The following GRID2 variants were observed in gnomAD, a reference collection of about 807,000 sequenced individuals.
The protein encoded by GRID2 is glutamate ionotropic receptor delta type subunit 2, also known as glutamate receptor ionotropic, delta-2.
In GRID2, 33 loss-of-function variants were observed where a neutral mutation model predicts 114.8. That is an observed-to-expected ratio of 0.29 (90% CI 0.22 to 0.38). The LOEUF is 0.38. Ranked by LOEUF, GRID2 falls within the 10% of genes least tolerant of loss-of-function variation. The pLI, the probability that GRID2 is intolerant of heterozygous loss-of-function variation, is 1.00. For synonymous variants in GRID2, 505 were observed against 449.9 expected, an observed-to-expected ratio of 1.12 and a Z score of -1.55; for missense variants, 1,184 against 1,257.7, an observed-to-expected ratio of 0.94 and a Z score of 0.89.
At chr4:93,183,474 A>G (rs1740100440) in intron 4 of GRID2, among the ~76,000 whole-genome samples, 1 of 152,226 alleles carries the variant, frequency 6.6e-6, no homozygotes, top group South Asian at 2.1e-4. Context: ...ACATCTAAAG[A>G]GTCCCTGTAG....
intron 8 of GRID2, among the ~76,000 whole-genome samples, chr4:93,384,878 A>G (rs1193833751): frequency 6.6e-6 from 1 of 152,196 alleles, no homozygotes; most frequent in Non-Finnish European, 1.5e-5. Context: ...TATGGGAAGC[A>G]TATTTAGGAG....
intron 2 of GRID2, among the ~76,000 whole-genome samples, chr4:92,681,856 T>C (rs1345677569): frequency 6.6e-6 from 1 of 151,834 alleles, no homozygotes; most frequent in East Asian, 1.9e-4. Flanking sequence ...GGTAAAGAAA[T>C]GGAAGCCATA....
intron 1 of GRID2, among the ~76,000 whole-genome samples, chr4:92,316,401 G>A (rs1200979007): frequency 1.3e-5 from 2 of 152,128 alleles, no homozygotes; most frequent in African/African-American, 4.8e-5. Context: ...TGTAGTCATG[G>A]TGAGTTTTGG....
At chr4:92,456,150 C>T (rs2149083262) in intron 1 of GRID2, among the ~76,000 whole-genome samples, 1 of 141,566 alleles carries the variant, frequency 7.1e-6, no homozygotes, top group East Asian at 2.0e-4. Context: ...ACTTTTTTGG[C>T]AGCTTTCCCA....
rs540783394 is a variant in GRID2, at chr4:93,701,514, C to T, written c.2361-67696C>T. Among the ~76,000 whole-genome samples the T allele has an allele frequency of 2.6e-5, 4 of 152,098 alleles. No homozygotes were observed. The East Asian group carries it at 7.7e-4, about 29-fold the overall frequency. The stretch of plus-strand genomic sequence containing the variant: ...AATGGGAGCAAATGCTTAGAAAACA[C>T]TTTTATACTTGATAACTCAGTTTGG... On this transcript the variant is annotated intron_variant, in intron 14 of 15. Coordinates refer to ENST00000282020, the MANE Select transcript of GRID2 (RefSeq NM_001510.4).
At chr4:93,460,580 C>T (rs1484762647) in intron 11 of GRID2, among the ~76,000 whole-genome samples, 2 of 152,178 alleles carry the variant, frequency 1.3e-5, no homozygotes, top group East Asian at 3.9e-4. Context: ...AGTGTAATTC[C>T]TTTTTTTAAA....
rs112947202 is a variant in GRID2, at chr4:92,816,837, G to C, written c.244+226551G>C. 6.6e-3 allele frequency among the ~76,000 whole-genome samples: 999 copies of C among 152,186 alleles called. 18 individuals are homozygous for C. The highest frequency in any genetic ancestry group is 0.023 in the African/African-American group (935 of 41,508). On this transcript the variant is annotated intron_variant, in intron 2 of 15. Transcript: ENST00000282020. ...ACAAAGCTCTGCTGTATTGAAAATT[G>C]AGGAGAAATAACTTTACAATAAATA... is the stretch of plus-strand genomic sequence containing the variant.
At chr4:93,487,065 G>C (rs1262442050) in intron 11 of GRID2, among the ~76,000 whole-genome samples, 8 of 151,770 alleles carry the variant, frequency 5.3e-5, no homozygotes, top group South Asian at 4.1e-4. Context: ...TTAGGAACTT[G>C]TCCATATCAT....
At position 92,704,332 on chromosome 4, in the gene GRID2, A is replaced by G. The variant is rs560099116; in HGVS notation, c.244+114046A>G. Among the ~76,000 whole-genome samples the G allele has an allele frequency of 5.9e-5, 9 of 152,302 alleles. No individual in the cohort carries two copies. In the South Asian group the frequency reaches 1.5e-3, roughly 25 times the overall value. ...GTATGATCTGAGATAGATGAATTTA[A>G]GGAAGAATTTGGTATTGAGAGATTT... On this transcript the variant is annotated intron_variant, in intron 2 of 15. Transcript: ENST00000282020.
chr4:93,172,578 C>CT (rs1444518242), intron 4 of GRID2, among the ~76,000 whole-genome samples: 1 of 150,110 alleles, frequency 6.7e-6, no homozygotes, highest in Non-Finnish European at 1.5e-5. Context: ...GGCGACAGGG[C>CT]GAGACTCCAT....
intron 2 of GRID2, among the ~76,000 whole-genome samples, chr4:92,935,821 T>G: frequency 7.7e-6 from 1 of 129,506 alleles, no homozygotes; most frequent in Non-Finnish European, 1.6e-5. Context: ...CACTCATAGG[T>G]GGGAATTGAA....
At chr4:93,428,534 A>T (rs1446170592) in intron 10 of GRID2, among the ~76,000 whole-genome samples, 2 of 152,152 alleles carry the variant, frequency 1.3e-5, no homozygotes, top group African/African-American at 4.8e-5. Context: ...TTTAAAAAGG[A>T]TTGTAATTTT....
chr4:92,550,943 C>T (rs1052308305), intron 1 of GRID2, among the ~76,000 whole-genome samples: 1 of 152,126 alleles, frequency 6.6e-6, no homozygotes, highest in Non-Finnish European at 1.5e-5. Flanking sequence ...AAAAATCAGT[C>T]ATAAATTGTT....
intron 11 of GRID2, among the ~76,000 whole-genome samples, chr4:93,488,626 G>A (rs550572628): frequency 2.0e-4 from 30 of 151,782 alleles, no homozygotes; most frequent in Non-Finnish European, 4.3e-4. Flanking sequence ...TTCACATATA[G>A]CATGTATTAG....
chr4:93,731,482 TG>T (rs1358961613), intron 14 of GRID2, among the ~76,000 whole-genome samples: 2 of 152,214 alleles, frequency 1.3e-5, no homozygotes, highest in African/African-American at 4.8e-5. Context: ...AGCTGTCATC[TG>T]ATTTGTAAGG....
rs758400044 is a variant in GRID2 at position 93,677,252 on chromosome 4, C to T, written c.2360+50817C>T. Among the ~76,000 whole-genome samples, 909 of 152,258 alleles carry T rather than the reference C, an allele frequency of 6.0e-3. 10 individuals are homozygous for T. Among genetic ancestry groups the T allele is most frequent in the African/African-American group, 0.021 (864 of 41,560 alleles). Reference sequence around the variant, plus strand: ...GGGGCGCCCGCCATTGCCCAGGCTCCCTTAGGTAAACAAAGCAGCTGGGAA... The same window carrying T: ...GGGGCGCCCGCCATTGCCCAGGCTCTCTTAGGTAAACAAAGCAGCTGGGAA... On this transcript the variant is annotated intron_variant, in intron 14 of 15. Coordinates refer to ENST00000282020, the MANE Select transcript of GRID2 (RefSeq NM_001510.4).
At chr4:93,224,324 A>C (rs1745234549) in intron 6 of GRID2, among the ~76,000 whole-genome samples, 1 of 152,170 alleles carries the variant, frequency 6.6e-6, no homozygotes, top group South Asian at 2.1e-4. Context: ...TGATTTTCTA[A>C]GGTCTAACAC....
At chr4:92,719,023 G>A (rs1735683452) in intron 2 of GRID2, among the ~76,000 whole-genome samples, 2 of 150,982 alleles carry the variant, frequency 1.3e-5, no homozygotes, top group South Asian at 4.2e-4. Context: ...GTCTCGCTCT[G>A]TCACCCAGGT....
intron 2 of GRID2, among the ~76,000 whole-genome samples, chr4:92,624,700 G>GA (rs958944944): frequency 4.0e-5 from 6 of 150,450 alleles, no homozygotes; most frequent in Admixed American, 6.6e-5. Flanking sequence ...TCAACCAAAG[G>GA]AAAAAAAAGG....
Sources: gnomAD v4.1 joint callset for allele counts (sites outside exome capture counted in the v4.1 genomes callset) on GRCh38, gnomAD v4.1.1 for gene constraint, MANE v1.5 for transcripts, NCBI Gene and HGNC (gene_info 2026-07-23, HGNC 2026-07-21) for gene names.